The following CDH2 variants were observed in gnomAD, a reference collection of about 807,000 sequenced individuals.
CDH2 encodes cadherin 2, also known as cadherin-2.
A neutral mutation model predicts 92.0 loss-of-function variants in CDH2; 17 were observed. The ratio of observed to expected loss-of-function variants is 0.18; its 90% confidence interval spans 0.13 to 0.28. The LOEUF (loss-of-function observed/expected upper bound fraction) is 0.28. Among genes scored for constraint, CDH2 ranks in the 10% least tolerant of loss-of-function variants. The pLI is 1.00. For synonymous variants in CDH2, 419 were observed against 415.9 expected (o/e 1.01, Z -0.09); for missense variants, 862 against 1,133.1 (o/e 0.76, Z 3.44).
intron 2 of CDH2, among the ~76,000 whole-genome samples, chr18:28,057,666 C>CA (rs879732697): frequency 3.7e-3 from 360 of 97,892 alleles, no homozygotes; most frequent in East Asian, 0.012. Flanking sequence ...GACTCTGTCT[C>CA]AAAAAAAAAA....
chr18:28,123,239 A>C (rs979936160), intron 2 of CDH2, among the ~76,000 whole-genome samples: 1 of 152,166 alleles, frequency 6.6e-6, no homozygotes, highest in Admixed American at 6.6e-5. Context: ...AATATATTCC[A>C]AAGTGTTTTA....
At chr18:28,053,448 A>G (rs2144130977) in intron 2 of CDH2, among the ~76,000 whole-genome samples, 1 of 152,304 alleles carries the variant, frequency 6.6e-6, no homozygotes, top group Non-Finnish European at 1.5e-5. Context: ...TAAAATTTGT[A>G]GGGCCCAACA....
intron 2 of CDH2, among the ~76,000 whole-genome samples, chr18:28,077,580 C>T (rs2144182294): frequency 6.6e-6 from 1 of 152,094 alleles, no homozygotes; most frequent in South Asian, 2.1e-4. Flanking sequence ...AAACACGTAT[C>T]CTATTCCCAA....
At chr18:27,997,068 T>A (rs547955227) in intron 7 of CDH2, among the ~76,000 whole-genome samples, 4 of 152,362 alleles carry the variant, frequency 2.6e-5, no homozygotes, top group African/African-American at 4.8e-5. Flanking sequence ...GCATCAGTTA[T>A]CATAAATATG....
intron 13 of CDH2, 78 bp downstream of exon 13, chr18:27,984,922 G>T: frequency 9.0e-7 from 1 of 1,109,032 alleles, no homozygotes; most frequent in African/African-American, 1.5e-5. Context: ...ACTTTGCCAG[G>T]CAATAGCAAC....
intron 2 of CDH2, among the ~76,000 whole-genome samples, chr18:28,053,784 T>C (rs1169678867): frequency 6.6e-6 from 1 of 152,236 alleles, no homozygotes; most frequent in East Asian, 1.9e-4. Flanking sequence ...TTTAAGACTA[T>C]TGGTGCCCAG....
At position 28,147,802 on chromosome 18, in the gene CDH2, A is replaced by G. The variant is rs1484448587; in HGVS notation, c.61-18T>C. 3 of 1,421,062 alleles carry G rather than the reference A, an allele frequency of 2.1e-6. No homozygotes were observed. Among genetic ancestry groups the G allele is most frequent in the Admixed American group, 1.9e-5 (1 of 52,842 alleles). The allele number at this position is 1,421,062 out of a possible 1,614,324, so 88.0% of individuals were successfully genotyped here. On this transcript the variant is annotated intron_variant, in intron 1 of 15. Transcript: ENST00000269141. ...ACAGACGCCTGCAACACAAGAAAAAAAAAAAAAATGTGTGCAATGATTGCT... is the reference window on the plus strand; with the variant it reads ...ACAGACGCCTGCAACACAAGAAAAAGAAAAAAAATGTGTGCAATGATTGCT...
intron 2 of CDH2, among the ~76,000 whole-genome samples, chr18:28,019,537 T>C (rs148889729): frequency 3.3e-5 from 5 of 152,044 alleles, no homozygotes; most frequent in African/African-American, 1.2e-4. Flanking sequence ...AAGGAGGACT[T>C]TGCAAAAAAC....
intron 10 of CDH2, among the ~76,000 whole-genome samples, chr18:27,988,909 A>G (rs1337042961): frequency 1.3e-5 from 2 of 152,210 alleles, no homozygotes; most frequent in Non-Finnish European, 2.9e-5. Context: ...CTAGGTGCAC[A>G]GTCTCCCTAA....
At chr18:27,965,124 G>A (rs1287725292) in intron 14 of CDH2, among the ~76,000 whole-genome samples, 2 of 152,298 alleles carry the variant, frequency 1.3e-5, no homozygotes, top group African/African-American at 4.8e-5. Context: ...TGAGTAACTT[G>A]CCCAAGGTCA....
At position 28,065,126 on chromosome 18, in the gene CDH2, T is replaced by C. The variant is rs187879759; in HGVS notation, c.173-51217A>G. Among the ~76,000 whole-genome samples the C allele has an allele frequency of 9.2e-5, 14 of 152,272 alleles. No homozygotes were observed. In the East Asian group the frequency reaches 1.7e-3, roughly 19 times the overall value. On this transcript the variant is annotated intron_variant, in intron 2 of 15. Transcript: ENST00000269141. The stretch of plus-strand genomic sequence containing the variant: ...TCTAGATTCACAGTAACTATCCCAG[T>C]TTGTAGCTCACTGTAATACTCTTCA...
chr18:28,054,797 C>CT (rs1359200246), intron 2 of CDH2, among the ~76,000 whole-genome samples: 1 of 152,146 alleles, frequency 6.6e-6, no homozygotes, highest in African/African-American at 2.4e-5. Flanking sequence ...GAAATCCCTC[C>CT]TCTCAAACCT....
At chr18:27,969,660 G>A (rs1311498602) in intron 14 of CDH2, among the ~76,000 whole-genome samples, 1 of 152,172 alleles carries the variant, frequency 6.6e-6, no homozygotes, top group African/African-American at 2.4e-5. Flanking sequence ...ACAACACTGA[G>A]CCTTTACTCT....
intron 2 of CDH2, among the ~76,000 whole-genome samples, chr18:28,084,896 A>G (rs2014898284): frequency 6.6e-6 from 1 of 152,168 alleles, no homozygotes; most frequent in African/African-American, 2.4e-5. Flanking sequence ...CAATTCCCTC[A>G]GAGACTATTC....
intron 2 of CDH2, among the ~76,000 whole-genome samples, chr18:28,096,503 T>C (rs945101583): frequency 6.7e-6 from 1 of 150,022 alleles, no homozygotes; most frequent in Non-Finnish European, 1.5e-5. Flanking sequence ...AATATGAAAA[T>C]ACATAACAAC....
chr18:27,982,172 T>C (rs1257164949), intron 14 of CDH2, among the ~76,000 whole-genome samples: 1 of 152,168 alleles, frequency 6.6e-6, no homozygotes, highest in African/African-American at 2.4e-5. Flanking sequence ...CTAATGTACT[T>C]AACAGAATGC....
At chr18:28,009,250 A>G (rs1231537272) in intron 5 of CDH2, among the ~76,000 whole-genome samples, 1 of 152,240 alleles carries the variant, frequency 6.6e-6, no homozygotes. Context: ...ACCAAGCACT[A>G]ACATTCCTAA....
chr18:27,949,328 C>CT (rs1909353569), downstream of CDH2, among the ~76,000 whole-genome samples: 1 of 151,948 alleles, frequency 6.6e-6, no homozygotes, highest in African/African-American at 2.4e-5. Context: ...TCTCCACATT[C>CT]TTTAATCCAG....
At chr18:28,047,912 TTG>T (rs1369977574) in intron 2 of CDH2, among the ~76,000 whole-genome samples, 1 of 151,614 alleles carries the variant, frequency 6.6e-6, no homozygotes, top group Non-Finnish European at 1.5e-5. Flanking sequence ...CTTGGTAAGT[TTG>T]AATTGTGATA....
Sources: allele counts gnomAD v4.1 joint callset (sites outside exome capture counted in the v4.1 genomes callset), GRCh38; gene constraint gnomAD v4.1.1; transcripts MANE v1.5; gene names NCBI Gene and HGNC (gene_info 2026-07-23, HGNC 2026-07-21).